PPARA: variants seen among roughly 807,000 people sequenced by gnomAD.
PPARA encodes the protein peroxisome proliferator activated receptor alpha, also known as peroxisome proliferator-activated receptor alpha.
PPARA carries 22 observed loss-of-function variants against 42.2 expected under a neutral mutation model. The ratio of observed to expected loss-of-function variants is 0.52; its 90% CI spans 0.37 to 0.74. PPARA has a LOEUF of 0.74. Ranked by LOEUF, PPARA falls within the 30% of genes least tolerant of loss-of-function variation. The pLI is 0.00. For synonymous variants in PPARA, 242 were observed against 239.3 expected (o/e 1.01, Z -0.10); for missense variants, 465 against 608.2 (o/e 0.76, Z 2.48).
intron 2 of PPARA, among the ~76,000 whole-genome samples, chr22:46,172,436 C>T (rs1928239579): frequency 6.6e-6 from 1 of 151,846 alleles, no homozygotes; most frequent in African/African-American, 2.4e-5. Flanking sequence ...GGAGACCAGC[C>T]TAGCCAACAT....
In PPARA at chr22:46,187,536, T is replaced by C. The variant is rs954594838; in HGVS notation, c.-43+10700T>C. ...TCTTGGGACAGTTACAACAGCCCCG[T>C]AAGGAGTTGTGCTGCTTCTAGTCTT... On this transcript the variant is annotated intron_variant, in intron 3 of 8. Coordinates refer to ENST00000407236, the MANE Select transcript of PPARA (RefSeq NM_005036.6). The surrounding 1 kb of genome is among the most constrained non-coding windows in gnomAD (Gnocchi z 4.9). 9.9e-5 allele frequency among the ~76,000 whole-genome samples: 15 copies of C among 152,228 alleles called. No individual in the cohort carries two copies. Among genetic ancestry groups the C allele is most frequent in the Admixed American group, 7.9e-4 (12 of 15,284 alleles).
chr22:46,218,250 AT>A lies in PPARA; in HGVS notation c.370-11del. The A allele has an allele frequency of 6.2e-7, 1 of 1,614,094 alleles. No individual in the cohort carries two copies. The highest frequency in any genetic ancestry group is 8.5e-7 in the Non-Finnish European group (1 of 1,179,978). ...GCCCAGGTCTTTAAATCCACTGTGT[AT>A]TACCCTCACAGGGCTTCTTTCGGCG... On this transcript the variant is annotated splice_polypyrimidine_tract_variant and intron_variant, in intron 5 of 8. Coordinates refer to ENST00000407236, the MANE Select transcript of PPARA (RefSeq NM_005036.6).
Position 46,234,878 on chromosome 22 carries a change from G to A in PPARA, c.1160-255G>A, listed in dbSNP as rs545101192. Among the ~76,000 whole-genome samples, 69 of 152,266 alleles carry A rather than the reference G, an allele frequency of 4.5e-4. No homozygotes were observed. Among genetic ancestry groups the A allele is most frequent in the Middle Eastern group, 6.8e-3 (2 of 294 alleles). On this transcript the variant is annotated intron_variant, in intron 8 of 8. Coordinates refer to ENST00000407236, the MANE Select transcript of PPARA (RefSeq NM_005036.6). This position sits in a 1 kb window ranked among gnomAD's most constrained non-coding sequence, Gnocchi z 5.8. ...CACAAGTGAAAAGGCCGCACCATAA[G>A]GTGTACTTAGGGCACTATTGCCGCC...
rs1931411779 is a variant in PPARA, at chr22:46,190,617, G to A, written c.-42-7725G>A. Among the ~76,000 whole-genome samples the A allele has an allele frequency of 6.6e-6, 1 of 152,136 alleles. No individual in the cohort carries two copies. The highest frequency in any genetic ancestry group is 1.5e-5 in the Non-Finnish European group (1 of 68,030). On this transcript the variant is annotated intron_variant, in intron 3 of 8. Transcript: ENST00000407236. The surrounding 1 kb of genome is among the most constrained non-coding windows in gnomAD (Gnocchi z 5.6). The stretch of plus-strand genomic sequence containing the variant: ...AATACAAAAATTAGCTGGGGGTGGT[G>A]GCAGCGCCTGTAGTCCAAACCACTT...
At chr22:46,154,800 A>G (rs1231184284) in intron 2 of PPARA, among the ~76,000 whole-genome samples, 1 of 150,296 alleles carries the variant, frequency 6.7e-6, no homozygotes, top group African/African-American at 2.4e-5. Context: ...CAGCCTCCCA[A>G]GCAGCTAGGA....
rs559474913 is a variant in PPARA, at chr22:46,213,865, A to C, written c.209-1308A>C. On this transcript the variant is annotated intron_variant, in intron 4 of 8. Coordinates refer to ENST00000407236, the MANE Select transcript of PPARA (RefSeq NM_005036.6). The stretch of plus-strand genomic sequence containing the variant: ...CGGCCTCCCAAAGTGCTGGGATTAC[A>C]GGCGTGAGCCACCACGCCTAGCCCC... Among the ~76,000 whole-genome samples, 13 of 152,336 alleles carry C rather than the reference A, an allele frequency of 8.5e-5. No individual in the cohort carries two copies. In the South Asian group the frequency reaches 2.5e-3, roughly 29 times the overall value.
Position 46,184,910 on chromosome 22 carries a change from T to C in PPARA, c.-43+8074T>C, listed in dbSNP as rs1022075555. Among the ~76,000 whole-genome samples the C allele has an allele frequency of 2.0e-5, 3 of 152,172 alleles. No homozygotes were observed. Among genetic ancestry groups the C allele is most frequent in the South Asian group, 4.1e-4 (2 of 4,830 alleles). ...TTTGTGTGCGACGTGTTTTTCCCTCTCAGAAAGCTCGTAGGGTCTTCTCTT... is the reference window on the plus strand; with the variant it reads ...TTTGTGTGCGACGTGTTTTTCCCTCCCAGAAAGCTCGTAGGGTCTTCTCTT... On this transcript the variant is annotated intron_variant, in intron 3 of 8. Transcript: ENST00000407236. This position sits in a 1 kb window ranked among gnomAD's most constrained non-coding sequence, Gnocchi z 4.4.
At chr22:46,168,695 C>G (rs916045477) in intron 2 of PPARA, among the ~76,000 whole-genome samples, 1 of 151,812 alleles carries the variant, frequency 6.6e-6, no homozygotes, top group Admixed American at 6.6e-5. Context: ...TCATTAGTCA[C>G]TAGGGAAATG....
chr22:46,210,497 C>T (rs11702902), intron 4 of PPARA, among the ~76,000 whole-genome samples: 27,818 of 151,162 alleles, frequency 0.18, 3,210 homozygotes, highest in Non-Finnish European at 0.27. Context: ...GGCTGTAGTG[C>T]GATGGCACAA....
Position 46,216,631 on chromosome 22 carries a change from TTCC to T in PPARA, c.369+1300_369+1302del, listed in dbSNP as rs1288536276. Among the ~76,000 whole-genome samples, 2 of 152,182 alleles carry T rather than the reference TTCC, an allele frequency of 1.3e-5. No homozygotes were observed. The highest frequency in any genetic ancestry group is 4.8e-5 in the African/African-American group (2 of 41,458). On this transcript the variant is annotated intron_variant, in intron 5 of 8. Coordinates refer to ENST00000407236, the MANE Select transcript of PPARA (RefSeq NM_005036.6). This position sits in a 1 kb window ranked among gnomAD's most constrained non-coding sequence, Gnocchi z 4.5. ...GCTGCTCCTGCTCCCCAGCAGTTCC[TTCC>T]TGCACATCAGGGGCTTCTCCACCTG...
rs75740276 is a variant in PPARA at position 46,232,381 on chromosome 22, G to A, written c.1159+142G>A. ...ATGGTGGGAAGACGTCTGACCCCCA[G>A]TCACTGCTGAGAATTCAGTGGGAAT... On this transcript the variant is annotated intron_variant, in intron 8 of 8. Coordinates refer to ENST00000407236, the MANE Select transcript of PPARA (RefSeq NM_005036.6). This position sits in a 1 kb window ranked among gnomAD's most constrained non-coding sequence, Gnocchi z 5.3. The A allele has an allele frequency of 6.5e-6, 5 of 772,464 alleles. No individual in the cohort carries two copies. The African/African-American group carries it at 8.6e-5, about 13-fold the overall frequency. The allele number at this position is 772,464 out of a possible 1,614,324, so 47.9% of individuals were successfully genotyped here.
chr22:46,159,680 AAG>A (rs1925859139), intron 2 of PPARA, among the ~76,000 whole-genome samples: 1 of 152,240 alleles, frequency 6.6e-6, no homozygotes. Context: ...GGTGTTCTGA[AAG>A]AGGGAATTTT....
chr22:46,231,713 G>A lies in PPARA; in HGVS notation c.712-79G>A. The A allele has an allele frequency of 1.4e-6, 2 of 1,423,286 alleles. No individual in the cohort carries two copies. The highest frequency in any genetic ancestry group is 1.2e-5 in the South Asian group (1 of 82,402). The allele number at this position is 1,423,286 out of a possible 1,614,324, so 88.2% of individuals were successfully genotyped here. ...TGAGCTTGGTGATTTGGACGCAGGA[G>A]CTGCTCATTAGTGAGCTGATAGCTG... On this transcript the variant is annotated intron_variant, in intron 7 of 8. Transcript: ENST00000407236. The surrounding 1 kb of genome is among the most constrained non-coding windows in gnomAD (Gnocchi z 7.7).
rs888724100 is a variant in PPARA, at chr22:46,216,364, C to G, written c.369+1031C>G. Among the ~76,000 whole-genome samples the G allele has an allele frequency of 7.4e-6, 1 of 135,578 alleles. No homozygotes were observed. Among genetic ancestry groups the G allele is most frequent in the African/African-American group, 2.9e-5 (1 of 34,952 alleles). 88.9% of individuals were successfully genotyped at this position (135,578 alleles called of 152,430 possible). ...AGCCATTTCACTCCAGCCTAGGCGA[C>G]AAGAGTAAAACTTCATCTCAAAAAA... On this transcript the variant is annotated intron_variant, in intron 5 of 8. Coordinates refer to ENST00000407236, the MANE Select transcript of PPARA (RefSeq NM_005036.6). The surrounding 1 kb of genome is among the most constrained non-coding windows in gnomAD (Gnocchi z 4.5).
At chr22:46,218,457 G>C in intron 6 of PPARA, 56 bp downstream of exon 6, 1 of 1,608,142 alleles carries the variant, frequency 6.2e-7, no homozygotes, top group Non-Finnish European at 8.5e-7. Context: ...CCCCTTCCTT[G>C]CTCCAAGGGA....
rs1435349413 is a variant in PPARA at position 46,150,959 on chromosome 22, C to T, written c.-210+307C>T. 1 of 152,148 alleles carries T rather than the reference C, an allele frequency of 6.6e-6. No homozygotes were observed. The highest frequency in any genetic ancestry group is 2.4e-5 in the African/African-American group (1 of 41,446). The allele number at this position is 152,148 out of a possible 1,614,324, so 9.4% of individuals were successfully genotyped here. On this transcript the variant is annotated intron_variant, in intron 1 of 8. Coordinates refer to ENST00000407236, the MANE Select transcript of PPARA (RefSeq NM_005036.6). The surrounding 1 kb of genome is among the most constrained non-coding windows in gnomAD (Gnocchi z 7.5). ...CCGGAACCCGAGTCCGCGGCTGTCC[C>T]TGGGGTTTGGCGCTGCGCGGAGGTC...
rs1430616666 is a variant in PPARA, at chr22:46,225,452, A to T, written c.711+5438A>T. Reference sequence around the variant, plus strand: ...GAGGAAGCAACAGAAAATGAGACTGAGGGGCTTGGGCAGAGTCAGTGCCTT... The same window carrying T: ...GAGGAAGCAACAGAAAATGAGACTGTGGGGCTTGGGCAGAGTCAGTGCCTT... On this transcript the variant is annotated intron_variant, in intron 7 of 8. Transcript: ENST00000407236. This position sits in a 1 kb window ranked among gnomAD's most constrained non-coding sequence, Gnocchi z 4.1. Among the ~76,000 whole-genome samples, 1 of 152,124 alleles carries T rather than the reference A, an allele frequency of 6.6e-6. No individual in the cohort carries two copies. Among genetic ancestry groups the T allele is most frequent in the Non-Finnish European group, 1.5e-5 (1 of 68,024 alleles).
intron 2 of PPARA, among the ~76,000 whole-genome samples, chr22:46,153,564 A>G (rs1924807151): frequency 6.6e-6 from 1 of 152,100 alleles, no homozygotes; most frequent in Non-Finnish European, 1.5e-5. Flanking sequence ...ACTTATGAAC[A>G]GAGTTTTAAA....
chr22:46,218,440 C>A (rs761433706), intron 6 of PPARA, 39 bp downstream of exon 6: 1 of 1,613,212 alleles, frequency 6.2e-7, no homozygotes, highest in Non-Finnish European at 8.5e-7. Context: ...CAGTTCGTTC[C>A]TCAGTTCCCC....
Sources: allele counts gnomAD v4.1 joint callset (sites outside exome capture counted in the v4.1 genomes callset), GRCh38; gene constraint gnomAD v4.1.1; non-coding constraint Gnocchi (gnomAD v3.1); transcripts MANE v1.5; gene names NCBI Gene and HGNC (gene_info 2026-07-23, HGNC 2026-07-21).